Variants in ATG2B observed in about 807,000 individuals in gnomAD.
ATG2B encodes the protein autophagy related 2B, also known as autophagy-related protein 2 homolog B.
A neutral mutation model predicts 241.3 loss-of-function variants in ATG2B; 121 were observed. That is an observed-to-expected ratio of 0.50 (90% CI 0.43 to 0.58). The LOEUF is 0.58. Ranked by LOEUF, ATG2B falls within the 20% of genes least tolerant of loss-of-function variation. ATG2B has a pLI of 0.00. For synonymous variants in ATG2B, 858 were observed against 876.6 expected, an observed-to-expected ratio of 0.98 and a Z score of 0.37; for missense variants, 2,306 against 2,491.6, an observed-to-expected ratio of 0.93 and a Z score of 1.59.
intron 18 of ATG2B, among the ~76,000 whole-genome samples, chr14:96,319,386 A>T (rs1367149102): frequency 6.6e-6 from 1 of 152,220 alleles, no homozygotes. Context: ...GAAACAAAAT[A>T]GATGCTCAGT....
Position 96,326,007 on chromosome 14 carries a change from A to G in ATG2B, c.2164-85T>C, listed in dbSNP as rs143150222. On this transcript the variant is annotated intron_variant, in intron 14 of 41. Coordinates refer to ENST00000359933, the MANE Select transcript of ATG2B (RefSeq NM_018036.7). ...CAGTATTCAACATTACAATATGTAT[A>G]ATCACTATCTCCCCATTTGGTATAA... The G allele has an allele frequency of 3.8e-5, 49 of 1,279,798 alleles. No individual in the cohort carries two copies. The African/African-American group carries it at 7.2e-4, about 19-fold the overall frequency. 79.3% of individuals were successfully genotyped at this position (1,279,798 alleles called of 1,614,324 possible).
chr14:96,301,538 C>G (rs2139846371), intron 34 of ATG2B, among the ~76,000 whole-genome samples: 1 of 152,320 alleles, frequency 6.6e-6, no homozygotes, highest in African/African-American at 2.4e-5. Flanking sequence ...TCACTGTGCC[C>G]AACTCCAGTT....
chr14:96,356,059 T>C (rs1888464790), intron 1 of ATG2B, among the ~76,000 whole-genome samples: 1 of 151,608 alleles, frequency 6.6e-6, no homozygotes, highest in East Asian at 1.9e-4. Context: ...TAGTCCCAGC[T>C]ACTCGGGAGG....
chr14:96,322,752 T>G lies in ATG2B; in HGVS notation c.2541-17A>C, dbSNP rs751738192. The G allele has an allele frequency of 1.2e-6, 2 of 1,604,528 alleles. No individual in the cohort carries two copies. Among genetic ancestry groups the G allele is most frequent in the African/African-American group, 2.7e-5 (2 of 74,520 alleles). ...AGTACAATTCTGATAGCAAAGACAA[T>G]TTTAAAAAGACCAAGATCTAAGTGT... is the stretch of plus-strand genomic sequence containing the variant. On this transcript the variant is annotated splice_polypyrimidine_tract_variant and intron_variant, in intron 16 of 41. Transcript: ENST00000359933.
intron 1 of ATG2B, among the ~76,000 whole-genome samples, chr14:96,355,506 T>C (rs1888449549): frequency 2.0e-5 from 3 of 152,192 alleles, no homozygotes; most frequent in Admixed American, 2.0e-4. Context: ...TGGGTGGCTC[T>C]GAACAAATCC....
At chr14:96,326,370 C>G (rs1887588356) in intron 14 of ATG2B, among the ~76,000 whole-genome samples, 1 of 152,124 alleles carries the variant, frequency 6.6e-6, no homozygotes, top group Non-Finnish European at 1.5e-5. Context: ...ATGCCAAATA[C>G]AATCGCTGAC....
At chr14:96,313,210 C>T (rs1887210350) in intron 24 of ATG2B, 53 bp from the exon 25 acceptor site, 1 of 1,429,994 alleles carries the variant, frequency 7.0e-7, no homozygotes, top group South Asian at 1.2e-5. Context: ...TCCAGAAACT[C>T]TATTAAAAAC....
chr14:96,349,789 TAAG>T (rs763658337), intron 1 of ATG2B, among the ~76,000 whole-genome samples: 1 of 152,022 alleles, frequency 6.6e-6, no homozygotes, highest in Non-Finnish European at 1.5e-5. Flanking sequence ...GTAGAGGTGC[TAAG>T]GAGGAAGCTG....
At chr14:96,334,140 T>C (rs1887811336) in intron 7 of ATG2B, among the ~76,000 whole-genome samples, 1 of 152,164 alleles carries the variant, frequency 6.6e-6, no homozygotes, top group African/African-American at 2.4e-5. Context: ...TTCTCGATTG[T>C]ATGAAGTACT....
chr14:96,339,376 G>T (rs1887951372), intron 6 of ATG2B, among the ~76,000 whole-genome samples: 1 of 150,384 alleles, frequency 6.6e-6, no homozygotes, highest in African/African-American at 2.4e-5. Context: ...ATATGTATGT[G>T]GTGTATATAC....
chr14:96,325,160 C>G (rs1054397592), intron 15 of ATG2B, among the ~76,000 whole-genome samples: 1 of 152,184 alleles, frequency 6.6e-6, no homozygotes, highest in Non-Finnish European at 1.5e-5. Flanking sequence ...AATCTTGATT[C>G]TGCCATTGAC....
rs1055588196 is a variant in ATG2B, at chr14:96,283,110, G to T, written c.*2645C>A. ...CCGAGTTAGCTCCATTCAAGAGGAA[G>T]ACACGGTTGTGGCCTCAGCTGCCTC... On this transcript the variant is annotated 3_prime_UTR_variant, in exon 42 of 42. Coordinates refer to ENST00000359933, the MANE Select transcript of ATG2B (RefSeq NM_018036.7). 1 of 152,234 alleles carries T rather than the reference G, an allele frequency of 6.6e-6. No individual in the cohort carries two copies. The highest frequency in any genetic ancestry group is 2.4e-5 in the African/African-American group (1 of 41,440). 9.4% of individuals were successfully genotyped at this position (152,234 alleles called of 1,614,324 possible). A position where few individuals can be genotyped will look rare whatever the true frequency, so the allele number is the denominator to read the frequency against.
At chr14:96,339,927 T>C (rs1018157586) in intron 6 of ATG2B, among the ~76,000 whole-genome samples, 1 of 151,088 alleles carries the variant, frequency 6.6e-6, no homozygotes, top group African/African-American at 2.4e-5. Flanking sequence ...AAAATAGAAC[T>C]TCCATATGAT....
At position 96,284,318 on chromosome 14, in the gene ATG2B, T is replaced by G. The variant is rs180761732; in HGVS notation, c.*1437A>C. ...AGTTTTTTGGCAGTAAAAAGGAAACTAAAATTAAAAGCTATATAACCCCAT... is the reference window on the plus strand; with the variant it reads ...AGTTTTTTGGCAGTAAAAAGGAAACGAAAATTAAAAGCTATATAACCCCAT... On this transcript the variant is annotated 3_prime_UTR_variant, in exon 42 of 42. Transcript: ENST00000359933. The G allele has an allele frequency of 2.4e-4, 37 of 152,302 alleles. No homozygotes were observed. Among genetic ancestry groups the G allele is most frequent in the African/African-American group, 7.9e-4 (33 of 41,572 alleles). 9.4% of individuals were successfully genotyped at this position (152,302 alleles called of 1,614,324 possible).
chr14:96,322,474 TC>T, intron 17 of ATG2B, 65 bp downstream of exon 17: 1 of 1,482,438 alleles, frequency 6.7e-7, no homozygotes, highest in Non-Finnish European at 9.0e-7. Flanking sequence ...AAATAAAAAA[TC>T]AAAAGCATTG....
chr14:96,304,544 C>G lies in ATG2B; in HGVS notation c.4793G>C (p.Gly1598Ala). The part of the protein sequence containing the change: ...PTRHGRNTVC[G>A]GKGRNHDFLM... Reference sequence around the variant, plus strand: ...AAAGTCATGGTTCCTTCCTTTTCCCCCACATACTGTATTACGTCCATGTCT... The same window carrying G: ...AAAGTCATGGTTCCTTCCTTTTCCCGCACATACTGTATTACGTCCATGTCT... Residue 1598 changes from glycine (G) to alanine (A), a missense_variant, in exon 32 of 42, where the codon GGG becomes GCG. Gly to Ala is a moderately conservative substitution (Grantham distance 60). Transcript: ENST00000359933. The G allele has an allele frequency of 6.2e-7, 1 of 1,613,354 alleles. No homozygotes were observed.
At chr14:96,317,011 C>A in intron 20 of ATG2B, 134 bp downstream of exon 20, 1 of 882,904 alleles carries the variant, frequency 1.1e-6, no homozygotes, top group East Asian at 2.5e-5. Flanking sequence ...ATGGTTTGCC[C>A]CAGGACACTG....
At position 96,360,732 on chromosome 14, in the gene ATG2B, C is replaced by T. The variant is rs531667185; in HGVS notation, c.162+2083G>A. Among the ~76,000 whole-genome samples, 14 of 152,130 alleles carry T rather than the reference C, an allele frequency of 9.2e-5. No individual in the cohort carries two copies. In the South Asian group the frequency reaches 2.3e-3, roughly 25 times the overall value. ...AGGAGTACAGCAATTCTTCAATTAG[C>T]ATCAGTTTTTCCATTAGGATCTGTG... On this transcript the variant is annotated intron_variant, in intron 1 of 41. Coordinates refer to ENST00000359933, the MANE Select transcript of ATG2B (RefSeq NM_018036.7).
chr14:96,306,114 T>G (rs180755417), intron 30 of ATG2B, among the ~76,000 whole-genome samples: 1 of 152,354 alleles, frequency 6.6e-6, no homozygotes, highest in East Asian at 1.9e-4. Context: ...TATTTTTTTT[T>G]GTTTAAAGTC....
Sources: gnomAD v4.1 joint callset for allele counts (sites outside exome capture counted in the v4.1 genomes callset) on GRCh38, gnomAD v4.1.1 for gene constraint, MANE v1.5 for transcripts, NCBI Gene and HGNC (gene_info 2026-07-23, HGNC 2026-07-21) for gene names.